The following SEC24C variants were observed in gnomAD, a reference collection of about 807,000 sequenced individuals.
SEC24C encodes protein transport protein Sec24C.
Under a neutral mutation model 117.0 loss-of-function variants are expected in SEC24C, and 22 were observed. That is an observed-to-expected ratio of 0.19 (90% CI 0.13 to 0.27). The LOEUF (loss-of-function observed/expected upper bound fraction) is 0.27, where lower values mean the gene tolerates loss of function less well. Among genes scored for constraint, SEC24C ranks in the 10% least tolerant of loss-of-function variants. The pLI, the probability that SEC24C is intolerant of heterozygous loss-of-function variation, is 1.00. For missense variants in SEC24C, 1,155 were observed against 1,375.1 expected (o/e 0.84, Z 2.53); for synonymous variants, 506 against 529.4 (o/e 0.96, Z 0.61).
chr10:73,756,056 T>G (rs1428931382), intron 3 of SEC24C, among the ~76,000 whole-genome samples: 1 of 152,126 alleles, frequency 6.6e-6, no homozygotes, highest in East Asian at 1.9e-4. Context: ...TTCACCGTGT[T>G]GGCCAGGCTG....
rs764653421 is a variant in SEC24C, at chr10:73,746,939, C to A, written c.107C>A (p.Ala36Asp). ...TATGGTGGGCAATCAGGGTCCACAG[C>A]CCCCGCCATTCCCTATGGAGCCTAC... is the stretch of plus-strand genomic sequence containing the variant. ...SSYGGQSGST[A>D]PAIPYGAYNG... Residue 36 changes from alanine to aspartate, a missense_variant, in exon 2 of 23, where the codon GCC becomes GAC. Ala to Asp is a moderately radical substitution (Grantham distance 126). Around this residue, in one of 2 missense-constraint regions of SEC24C, gnomAD observed 396 missense variants for 382.8 expected, o/e 1.03. Transcript: ENST00000345254. 24 of 1,613,950 alleles carry A rather than the reference C, an allele frequency of 1.5e-5. No individual in the cohort carries two copies. Among genetic ancestry groups the A allele is most frequent in the Non-Finnish European group, 2.0e-5 (24 of 1,179,950 alleles).
Position 73,751,206 on chromosome 10 carries a change from G to A in SEC24C, c.271G>A (p.Val91Ile). The change falls in exon 3 of 23, where the codon GTA becomes ATA. Residue 91 changes from valine (V) to isoleucine (I), a missense_variant. Physicochemically the swap from Val to Ile is conservative, Grantham distance 29. Coordinates refer to ENST00000345254, the MANE Select transcript of SEC24C (RefSeq NM_198597.3). ...AAYGQFGQGD[V>I]QNGPSSTVQM... ...ATATGGCCAGTTTGGCCAAGGAGAT[G>A]TACAGAATGGGCCAAGCTCCACTGT... 6.2e-7 allele frequency: 1 copy of A among 1,614,196 alleles called. No homozygotes were observed. The highest frequency in any genetic ancestry group is 8.5e-7 in the Non-Finnish European group (1 of 1,180,012).
Position 73,760,178 on chromosome 10 carries a change from A to G in SEC24C, c.642A>G (p.Thr214=). Residue 214 remains threonine, a synonymous_variant, in exon 5 of 23, where the codon ACA becomes ACG. Transcript: ENST00000345254. ...CCCCATCACAGGCCTCCAGCTTCAC[A>G]CCCCCAGCTTCAGGGGGTCCTCGGC... ...RSAPSQASSF[T]PPASGGPRLP... 1 of 1,613,682 alleles carries G rather than the reference A, an allele frequency of 6.2e-7. No homozygotes were observed. The highest frequency in any genetic ancestry group is 8.5e-7 in the Non-Finnish European group (1 of 1,179,918).
At chr10:73,765,402 C>T (rs763540909) in intron 8 of SEC24C, 49 bp from the exon 9 acceptor site, 8 of 1,585,928 alleles carry the variant, frequency 5.0e-6, no homozygotes, top group Non-Finnish European at 6.9e-6. Flanking sequence ...CCTGGCTGAA[C>T]CTACTGTGGT....
At chr10:73,767,515 A>G (rs2082903317) in intron 14 of SEC24C, among the ~76,000 whole-genome samples, 1 of 152,102 alleles carries the variant, frequency 6.6e-6, no homozygotes, top group South Asian at 2.1e-4. Context: ...TAAAAATACA[A>G]AAATTAGCCA....
chr10:73,763,667 CTTTTTTTTTTTTTTT>C lies in SEC24C; in HGVS notation c.1099+84_1099+98del, dbSNP rs71021569. 210 of 60,488 alleles carry C rather than the reference CTTTTTTTTTTTTTTT, an allele frequency of 3.5e-3. 1 individual carries two copies. The Middle Eastern group carries it at 0.036, about 10-fold the overall frequency. 3.7% of individuals were successfully genotyped at this position (60,488 alleles called of 1,614,324 possible). A position where few individuals can be genotyped will look rare whatever the true frequency, so the allele number is the denominator to read the frequency against. On this transcript the variant is annotated intron_variant, in intron 7 of 22. Transcript: ENST00000345254. ...CAAGATTATCAGCTTATGGTTGGGG[CTTTTTTTTTTTTTTT>C]TTTTTTTTTTTTTTTTTAGTTTTTA...
chr10:73,763,990 CAG>C lies in SEC24C; in HGVS notation c.1227+8_1227+9del, dbSNP rs2082840761. 1 of 1,573,552 alleles carries C rather than the reference CAG, an allele frequency of 6.4e-7. No individual in the cohort carries two copies. The highest frequency in any genetic ancestry group is 1.9e-5 in the Admixed American group (1 of 53,822). On this transcript the variant is annotated splice_region_variant and intron_variant, in intron 8 of 22. Coordinates refer to ENST00000345254, the MANE Select transcript of SEC24C (RefSeq NM_198597.3). ...AAGGCTGCCCCCAGAGGAGGTGAGT[CAG>C]GGAAGGGGCTAGAGTGTAATGAAAG...
chr10:73,746,837 A>G lies in SEC24C; in HGVS notation c.5A>G (p.Asn2Ser), dbSNP rs1272026000. 1.9e-6 allele frequency: 3 copies of G among 1,605,090 alleles called. No individual in the cohort carries two copies. The highest frequency in any genetic ancestry group is 4.5e-5 in the East Asian group (2 of 44,568). M[N>S]VNQSVPPVPP... Reference sequence around the variant, plus strand: ...CAAATTGGGAATGCTTTCATAATGAACGTCAACCAGTCAGTTCCACCTGTG... The same window carrying G: ...CAAATTGGGAATGCTTTCATAATGAGCGTCAACCAGTCAGTTCCACCTGTG... The change falls in exon 2 of 23, where the codon AAC (asparagine) becomes AGC (serine). Residue 2 changes from asparagine to serine, a missense_variant. By Grantham distance (46) the Asn-to-Ser change is conservative (BLOSUM62 1). Around this residue, in one of 2 missense-constraint regions of SEC24C, gnomAD observed 396 missense variants for 382.8 expected, o/e 1.03. Transcript: ENST00000345254.
chr10:73,766,004 G>C, intron 10 of SEC24C, 82 bp from the exon 11 acceptor site: 2 of 1,587,720 alleles, frequency 1.3e-6, no homozygotes, highest in Non-Finnish European at 1.7e-6. Context: ...CCCCTTTTTT[G>C]TCCCTTTTTG....
chr10:73,751,256 T>G lies in SEC24C; in HGVS notation c.308+13T>G. 6.2e-7 allele frequency: 1 copy of G among 1,610,028 alleles called. No individual in the cohort carries two copies. The highest frequency in any genetic ancestry group is 8.5e-7 in the Non-Finnish European group (1 of 1,177,192). ...TTCAGATGCAAAGGTAGGTACTTGG[T>G]CAATCTAAAATTGGTCTGATGAGGC... On this transcript the variant is annotated intron_variant, in intron 3 of 22. Coordinates refer to ENST00000345254, the MANE Select transcript of SEC24C (RefSeq NM_198597.3).
chr10:73,748,991 C>T (rs1453696002), intron 2 of SEC24C, among the ~76,000 whole-genome samples: 2 of 152,220 alleles, frequency 1.3e-5, no homozygotes, highest in African/African-American at 4.8e-5. Context: ...GATCCACTTG[C>T]CTCGGCCTCT....
chr10:73,766,633 T>C (rs2082888141), intron 12 of SEC24C, 92 bp downstream of exon 12: 7 of 1,467,332 alleles, frequency 4.8e-6, no homozygotes, highest in East Asian at 2.3e-5. Context: ...GGACAGTAGA[T>C]GGAAAGGGGT....
chr10:73,767,279 C>T, intron 14 of SEC24C, 109 bp downstream of exon 14: 3 of 707,278 alleles, frequency 4.2e-6, no homozygotes, highest in Admixed American at 5.0e-5. Flanking sequence ...TTTCAAATAC[C>T]ATATCTGTGA....
At position 73,763,594 on chromosome 10, in the gene SEC24C, A is replaced by G; in HGVS notation, c.1092A>G (p.Lys364=). 1 of 1,601,054 alleles carries G rather than the reference A, an allele frequency of 6.2e-7. No individual in the cohort carries two copies. The highest frequency in any genetic ancestry group is 8.5e-7 in the Non-Finnish European group (1 of 1,170,666). Residue 364 remains lysine, a synonymous_variant, in exon 7 of 23, where the codon AAA becomes AAG. Transcript: ENST00000345254. ...TAGTCACTACCAACTTCCTGGTGAAAGACCAAGGTGAGAATGGAATTAGCT... is the reference window on the plus strand; with the variant it reads ...TAGTCACTACCAACTTCCTGGTGAAGGACCAAGGTGAGAATGGAATTAGCT... The part of the protein sequence containing the change: ...PPLVTTNFLV[K]DQGNASPRYI...
chr10:73,753,791 T>G (rs1270297079), intron 3 of SEC24C, among the ~76,000 whole-genome samples: 4 of 152,214 alleles, frequency 2.6e-5, no homozygotes, highest in Non-Finnish European at 5.9e-5. Context: ...TTTCTTAGTA[T>G]TTATCTGTTG....
At chr10:73,768,498 A>T (rs1406010090) in intron 15 of SEC24C, among the ~76,000 whole-genome samples, 1 of 152,218 alleles carries the variant, frequency 6.6e-6, no homozygotes, top group Non-Finnish European at 1.5e-5. Flanking sequence ...TGGCCCCACC[A>T]CTTACTAGCT....
intron 3 of SEC24C, among the ~76,000 whole-genome samples, chr10:73,753,532 T>C (rs2082671245): frequency 2.0e-5 from 3 of 152,160 alleles, no homozygotes; most frequent in Non-Finnish European, 2.9e-5. Flanking sequence ...TAGCTGGGCA[T>C]GGTGGCAAGC....
At chr10:73,756,133 T>A (rs1315943400) in intron 3 of SEC24C, among the ~76,000 whole-genome samples, 3 of 152,140 alleles carry the variant, frequency 2.0e-5, no homozygotes, top group Non-Finnish European at 4.4e-5. Flanking sequence ...ATTACAGGCA[T>A]GGGCCACTGT....
In SEC24C at chr10:73,770,358, T is replaced by A; in HGVS notation, c.2941T>A (p.Tyr981Asn). 6.2e-7 allele frequency: 1 copy of A among 1,613,722 alleles called. No individual in the cohort carries two copies. ...SEERLSNGDI[Y>N]LLENGLNLFL... ...AGAGCGTCTAAGCAATGGGGATATA[T>A]ATTTACTGGAGAATGGGCTCAACCT... is the stretch of plus-strand genomic sequence containing the variant. Residue 981 changes from tyrosine to asparagine, a missense_variant, in exon 21 of 23, where the codon TAT (tyrosine) becomes AAT (asparagine). Around this residue, in one of 2 missense-constraint regions of SEC24C, gnomAD observed 759 missense variants for 992.3 expected, o/e 0.76. Coordinates refer to ENST00000345254, the MANE Select transcript of SEC24C (RefSeq NM_198597.3).
Sources: gnomAD v4.1 joint callset for allele counts (sites outside exome capture counted in the v4.1 genomes callset) on GRCh38, gnomAD v4.1.1 for gene constraint, gnomAD v4.1.1 regional missense constraint, MANE v1.5 for transcripts, NCBI Gene and HGNC (gene_info 2026-07-23, HGNC 2026-07-21) for gene names.